Variants in BICD2 observed in about 807,000 individuals in gnomAD.
BICD2 encodes BICD cargo adaptor 2.
BICD2 carries 25 observed loss-of-function variants against 72.9 expected under a neutral mutation model. That is an observed-to-expected ratio of 0.34 (90% CI 0.25 to 0.48). The LOEUF (loss-of-function observed/expected upper bound fraction) is 0.48. Ranked by LOEUF, BICD2 falls within the 20% of genes least tolerant of loss-of-function variation. The pLI, the probability that BICD2 is intolerant of heterozygous loss-of-function variation, is 0.99. For missense variants in BICD2, 894 were observed against 1,175.2 expected (o/e 0.76, Z 3.50); for synonymous variants, 501 against 516.1 (o/e 0.97, Z 0.40).
Position 92,713,377 on chromosome 9 carries a change from T to A in BICD2, c.*1777A>T, listed in dbSNP as rs1274351513. 6.7e-7 allele frequency: 1 copy of A among 1,487,692 alleles called. No homozygotes were observed. The highest frequency in any genetic ancestry group is 9.2e-7 in the Non-Finnish European group (1 of 1,088,580). The allele number at this position is 1,487,692 out of a possible 1,614,324, so 92.2% of individuals were successfully genotyped here. A position where few individuals can be genotyped will look rare whatever the true frequency, so the allele number is the denominator to read the frequency against. On this transcript the variant is annotated 3_prime_UTR_variant, in exon 7 of 7. Transcript: ENST00000356884. ...GGGCTTTTAGGTTGCCCTTCCTTCC[T>A]CCTTGTGGGCCACGAGAGGGAAGGG...
chr9:92,726,224 A>C (rs1002353739), intron 2 of BICD2, among the ~76,000 whole-genome samples: 1 of 152,216 alleles, frequency 6.6e-6, no homozygotes, highest in African/African-American at 2.4e-5. Flanking sequence ...CACCAGAAGG[A>C]CCAGGTCTGA....
chr9:92,728,360 G>A (rs914744561), intron 2 of BICD2, among the ~76,000 whole-genome samples: 1 of 152,174 alleles, frequency 6.6e-6, no homozygotes, highest in Admixed American at 6.5e-5. Context: ...ATTCATGGAC[G>A]GACACCACAG....
At chr9:92,727,103 C>T (rs1853582489) in intron 2 of BICD2, among the ~76,000 whole-genome samples, 1 of 152,184 alleles carries the variant, frequency 6.6e-6, no homozygotes, top group African/African-American at 2.4e-5. Flanking sequence ...AGATCATGTA[C>T]TGCCGCTTCA....
rs146748251 is a variant in BICD2 at position 92,759,901 on chromosome 9, AG to A, written c.240+4603del. Among the ~76,000 whole-genome samples the A allele has an allele frequency of 2.0e-3, 304 of 152,336 alleles. 2 individuals carry two copies. Among genetic ancestry groups the A allele is most frequent in the African/African-American group, 6.9e-3 (287 of 41,576 alleles). On this transcript the variant is annotated intron_variant, in intron 1 of 6. Transcript: ENST00000356884. ...GAAACTGATCTCCTCCCTCAAAGGA[AG>A]GGACTGTGGTCCCTAAGTGACAGGG...
chr9:92,719,403 C>T lies in BICD2; in HGVS notation c.1242G>A (p.Lys414=). The change falls in exon 5 of 7, where the codon AAG becomes AAA. Residue 414 remains lysine, a synonymous_variant. Transcript: ENST00000356884. ...CCCCATCCTCATGGCTGTCACGGTC[C>T]TTCTCGTTGTCCAGGGCTGTCTGCC... is the stretch of plus-strand genomic sequence containing the variant. ...KERQTALDNE[K]DRDSHEDGDY... The T allele has an allele frequency of 6.2e-7, 1 of 1,614,204 alleles. No individual in the cohort carries two copies. Among genetic ancestry groups the T allele is most frequent in the Non-Finnish European group, 8.5e-7 (1 of 1,180,028 alleles).
At chr9:92,726,035 T>C (rs996652115) in intron 2 of BICD2, among the ~76,000 whole-genome samples, 4 of 152,204 alleles carry the variant, frequency 2.6e-5, no homozygotes, top group Admixed American at 6.5e-5. Flanking sequence ...GCAGGAAAGA[T>C]GCTCTCACTA....
chr9:92,731,762 C>A (rs1401397323), intron 1 of BICD2, among the ~76,000 whole-genome samples: 1 of 152,192 alleles, frequency 6.6e-6, no homozygotes, highest in East Asian at 1.9e-4. Context: ...GACCAGGGAG[C>A]ACAGAGCTGA....
chr9:92,750,286 G>T (rs766140108), intron 1 of BICD2, among the ~76,000 whole-genome samples: 2 of 152,120 alleles, frequency 1.3e-5, no homozygotes, highest in Non-Finnish European at 2.9e-5. Flanking sequence ...ACAATCCAGC[G>T]ATCAGACTCT....
chr9:92,741,083 C>T (rs1853888727), intron 1 of BICD2, among the ~76,000 whole-genome samples: 1 of 152,196 alleles, frequency 6.6e-6, no homozygotes, highest in Non-Finnish European at 1.5e-5. Flanking sequence ...ATCTGTTGAA[C>T]ACTCCTGTTC....
chr9:92,713,544 T>A lies in BICD2; in HGVS notation c.*1610A>T. The A allele has an allele frequency of 3.9e-6, 6 of 1,553,036 alleles. No homozygotes were observed. Among genetic ancestry groups the A allele is most frequent in the Non-Finnish European group, 5.2e-6 (6 of 1,147,890 alleles). On this transcript the variant is annotated 3_prime_UTR_variant, in exon 7 of 7. Transcript: ENST00000356884. ...CTGACAATTGAAGCTCTCCACGTGC[T>A]GGGAGGGCGCGAGCACGTTAGTTGG...
At chr9:92,747,619 C>T (rs1450294530) in intron 1 of BICD2, among the ~76,000 whole-genome samples, 1 of 152,190 alleles carries the variant, frequency 6.6e-6, no homozygotes, top group Non-Finnish European at 1.5e-5. Flanking sequence ...AGCCAGCACC[C>T]CCATCACTTT....
intron 3 of BICD2, among the ~76,000 whole-genome samples, chr9:92,721,194 A>G (rs1236588194): frequency 6.6e-6 from 1 of 152,256 alleles, no homozygotes; most frequent in Non-Finnish European, 1.5e-5. Context: ...CTATAAAGTT[A>G]TTTAATTAAC....
Position 92,745,384 on chromosome 9 carries a change from G to A in BICD2, c.241-16148C>T, listed in dbSNP as rs573968014. On this transcript the variant is annotated intron_variant, in intron 1 of 6. Transcript: ENST00000356884. ...CCAGTAATGACCCAGATCCAAGAACGGTGTAGAGGCAGTGCGGTGAGGGGA... is the reference window on the plus strand; with the variant it reads ...CCAGTAATGACCCAGATCCAAGAACAGTGTAGAGGCAGTGCGGTGAGGGGA... Among the ~76,000 whole-genome samples the A allele has an allele frequency of 5.3e-5, 8 of 152,144 alleles. No individual in the cohort carries two copies. The South Asian group carries it at 1.5e-3, about 28-fold the overall frequency.
chr9:92,720,467 G>A lies in BICD2; in HGVS notation c.895C>T (p.Leu299=), dbSNP rs1421298090. The change falls in exon 4 of 7, where the codon CTG becomes TTG. Residue 299 remains leucine, a synonymous_variant. Coordinates refer to ENST00000356884, the MANE Select transcript of BICD2 (RefSeq NM_001003800.2). The surrounding 1 kb of genome is among the most constrained non-coding windows in gnomAD (Gnocchi z 5.4). The stretch of plus-strand genomic sequence containing the variant: ...CCGCCGTGCTCAAAGCCATTGACCA[G>A]GGCCTCGGCATCGTTGTTGGGCTCG... The part of the protein sequence containing the change: ...AAEPNNDAEA[L]VNGFEHGGLA... 4 of 1,614,210 alleles carry A rather than the reference G, an allele frequency of 2.5e-6. No homozygotes were observed. The South Asian group carries it at 4.4e-5, about 18-fold the overall frequency.
chr9:92,717,785 C>A lies in BICD2; in HGVS notation c.2258+12G>T. Reference sequence around the variant, plus strand: ...CTTGTGGAAGGGGAGGGCCCGACAGCAGCACGGTTACCTGGTGGCAAACAT... The same window carrying A: ...CTTGTGGAAGGGGAGGGCCCGACAGAAGCACGGTTACCTGGTGGCAAACAT... On this transcript the variant is annotated intron_variant, in intron 6 of 6. Transcript: ENST00000356884. 6.2e-7 allele frequency: 1 copy of A among 1,601,882 alleles called. No homozygotes were observed. Among genetic ancestry groups the A allele is most frequent in the Admixed American group, 1.7e-5 (1 of 58,712 alleles).
chr9:92,745,467 G>A (rs1853991648), intron 1 of BICD2, among the ~76,000 whole-genome samples: 1 of 151,962 alleles, frequency 6.6e-6, no homozygotes, highest in Non-Finnish European at 1.5e-5. Flanking sequence ...CTGTCCTGAG[G>A]CATCTTCACT....
chr9:92,725,022 A>G (rs1853537866), intron 2 of BICD2, among the ~76,000 whole-genome samples: 1 of 152,218 alleles, frequency 6.6e-6, no homozygotes, highest in Non-Finnish European at 1.5e-5. Flanking sequence ...GTCAAGATCA[A>G]CAAACCTAGA....
intron 1 of BICD2, among the ~76,000 whole-genome samples, chr9:92,754,391 T>C (rs1399472977): frequency 6.6e-6 from 1 of 152,212 alleles, no homozygotes; most frequent in African/African-American, 2.4e-5. Flanking sequence ...GAGAAAACTG[T>C]ACGTAGGCAA....
At chr9:92,721,349 CAT>C (rs1853461127) in intron 3 of BICD2, among the ~76,000 whole-genome samples, 1 of 152,178 alleles carries the variant, frequency 6.6e-6, no homozygotes, top group Admixed American at 6.5e-5. Context: ...TCCACATGCA[CAT>C]GACACCCAGA....
Sources: gnomAD v4.1 joint callset for allele counts (sites outside exome capture counted in the v4.1 genomes callset) on GRCh38, gnomAD v4.1.1 for gene constraint, Gnocchi (gnomAD v3.1) non-coding constraint, MANE v1.5 for transcripts, NCBI Gene and HGNC (gene_info 2026-07-23, HGNC 2026-07-21) for gene names.